The following PMVK variants were observed in gnomAD, a reference collection of about 807,000 sequenced individuals.
The protein encoded by PMVK is phosphomevalonate kinase, also known as testis tissue sperm-binding protein Li 95mP.
Under a neutral mutation model 19.0 loss-of-function variants are expected in PMVK, and 10 were observed. That is an observed-to-expected ratio of 0.53 (90% CI 0.32 to 0.89). The LOEUF (loss-of-function observed/expected upper bound fraction) is 0.89, where lower values mean the gene tolerates loss of function less well. Ranked by LOEUF, PMVK falls within the 40% of genes least tolerant of loss-of-function variation. The probability of loss-of-function intolerance (pLI) is 0.03; values close to 1 mark genes in which losing one functional copy is unlikely to be tolerated. For missense variants in PMVK, 222 were observed against 251.1 expected, an observed-to-expected ratio of 0.88 and a Z score of 0.78; for synonymous variants, 108 against 101.6, an observed-to-expected ratio of 1.06 and a Z score of -0.38.
chr1:154,931,537 G>A (rs1654335043), intron 2 of PMVK, among the ~76,000 whole-genome samples: 1 of 152,106 alleles, frequency 6.6e-6, no homozygotes, highest in Non-Finnish European at 1.5e-5. Flanking sequence ...CTCCCTGGGG[G>A]CAACCAATGG....
chr1:154,931,413 T>C (rs1254539567), intron 2 of PMVK, among the ~76,000 whole-genome samples: 1 of 152,234 alleles, frequency 6.6e-6, no homozygotes, highest in Non-Finnish European at 1.5e-5. Context: ...AGAGTTCCTG[T>C]TGACTTATTT....
rs757694890 is a variant in PMVK at position 154,926,439 on chromosome 1, C to T, written c.357G>A (p.Arg119=). Residue 119 remains arginine, a synonymous_variant, in exon 4 of 5, where the codon CGG becomes CGA. Coordinates refer to ENST00000368467, the MANE Select transcript of PMVK (RefSeq NM_006556.4). ...TRRVSDIQWF[R]EAYGAVTQTV... ...TCTGCGTCACGGCCCCATAGGCCTC[C>T]CGAAACCACTGGATGTCAGACACTC... The T allele has an allele frequency of 3.1e-6, 5 of 1,613,952 alleles. No homozygotes were observed. The East Asian group carries it at 1.1e-4, about 36-fold the overall frequency.
At chr1:154,934,227 G>A (rs1013072178) in intron 1 of PMVK, among the ~76,000 whole-genome samples, 2 of 152,168 alleles carry the variant, frequency 1.3e-5, no homozygotes, top group Admixed American at 1.3e-4. Context: ...TCGAACTCCT[G>A]AGCTCAAGTG....
At chr1:154,931,707 G>A (rs370589476) in intron 2 of PMVK, among the ~76,000 whole-genome samples, 19 of 150,122 alleles carry the variant, frequency 1.3e-4, no homozygotes, top group African/African-American at 2.4e-4. Flanking sequence ...GTCACAAAGT[G>A]CCTCTTCAGT....
At position 154,934,723 on chromosome 1, in the gene PMVK, C is replaced by G. The variant is rs115396078; in HGVS notation, c.95+1868G>C. 2.9e-3 allele frequency among the ~76,000 whole-genome samples: 448 copies of G among 152,174 alleles called. 1 individual carries two copies. Among genetic ancestry groups the G allele is most frequent in the African/African-American group, 0.01 (429 of 41,522 alleles). On this transcript the variant is annotated intron_variant, in intron 1 of 4. Coordinates refer to ENST00000368467, the MANE Select transcript of PMVK (RefSeq NM_006556.4). ...CTTCACACACATTATCTCATTTAAT[C>G]CCCACAACCACCCTATTATCATCCC...
chr1:154,925,405 C>T, intron 4 of PMVK, 140 bp from the exon 5 acceptor site: 1 of 833,720 alleles, frequency 1.2e-6, no homozygotes, highest in Non-Finnish European at 2.0e-6. Context: ...ACCCAGAAGG[C>T]ACCTCCCTAC....
chr1:154,942,036 A>G, the PMVK span, among the ~76,000 whole-genome samples: 1 of 152,218 alleles, frequency 6.6e-6, no homozygotes, highest in Non-Finnish European at 1.5e-5. Flanking sequence ...CAAAGGAAAT[A>G]GAATTTTTCC....
chr1:154,937,098 C>G (rs546333123), upstream of PMVK: 91 of 177,796 alleles, frequency 5.1e-4, 1 homozygote, highest in African/African-American at 2.1e-3. Flanking sequence ...CCCCATGTTC[C>G]CTTCCGCGCA....
At chr1:154,929,330 CAA>C (rs935506307) in intron 2 of PMVK, among the ~76,000 whole-genome samples, 154 bp from the exon 3 acceptor site, 8 of 152,192 alleles carry the variant, frequency 5.3e-5, no homozygotes, top group Non-Finnish European at 8.8e-5. Context: ...TCTGCAAGGG[CAA>C]GAGTCTCAGC....
intron 4 of PMVK, 127 bp from the exon 5 acceptor site, chr1:154,925,392 C>A: frequency 9.9e-7 from 1 of 1,005,586 alleles, no homozygotes; most frequent in South Asian, 1.4e-5. Flanking sequence ...CCAAGGGCTA[C>A]CCACCCAGAA....
intron 3 of PMVK, among the ~76,000 whole-genome samples, chr1:154,927,482 G>GAA (rs1654202910): frequency 7.0e-6 from 1 of 143,876 alleles, no homozygotes; most frequent in South Asian, 2.2e-4. Flanking sequence ...AAAAACACAG[G>GAA]AAAGTCCTCC....
chr1:154,935,973 A>G (rs1035862672), intron 1 of PMVK, among the ~76,000 whole-genome samples: 3 of 151,814 alleles, frequency 2.0e-5, no homozygotes, highest in Admixed American at 6.6e-5. Flanking sequence ...GGTGACAGAC[A>G]TGACCACCAC....
At chr1:154,938,388 G>C (rs751065237), upstream of PMVK, among the ~76,000 whole-genome samples, 2 of 152,192 alleles carry the variant, frequency 1.3e-5, no homozygotes, top group African/African-American at 4.8e-5. Flanking sequence ...GCAGGAGTTC[G>C]AGACCAGCCT....
At position 154,929,046 on chromosome 1, in the gene PMVK, T is replaced by C; in HGVS notation, c.290A>G (p.Glu97Gly). Residue 97 changes from glutamate (E) to glycine (G), a missense_variant, in exon 3 of 5, where the codon GAG becomes GGG. Transcript: ENST00000368467. Reference sequence around the variant, plus strand: ...TACCCAGATGGGCTGGGAGATGCCCTCCACAATCTTCCTGCAAAAGAAGCC... The same window carrying C: ...TACCCAGATGGGCTGGGAGATGCCCCCCACAATCTTCCTGCAAAAGAAGCC... ...DPGFFCRKIV[E>G]GISQPIWLVS... The C allele has an allele frequency of 6.2e-7, 1 of 1,614,142 alleles. No individual in the cohort carries two copies. The highest frequency in any genetic ancestry group is 8.5e-7 in the Non-Finnish European group (1 of 1,180,000).
At chr1:154,936,093 G>GT (rs576828963) in intron 1 of PMVK, among the ~76,000 whole-genome samples, 2 of 151,870 alleles carry the variant, frequency 1.3e-5, no homozygotes, top group Non-Finnish European at 2.9e-5. Flanking sequence ...TTTTTGTTTT[G>GT]TTTTTTTAAG....
At chr1:154,939,306 T>C (rs886229728), upstream of PMVK, among the ~76,000 whole-genome samples, 6 of 152,034 alleles carry the variant, frequency 3.9e-5, no homozygotes, top group African/African-American at 1.4e-4. Context: ...CTCCCCAAAG[T>C]AGCACTTCCC....
At chr1:154,932,794 A>G (rs1177259925) in intron 1 of PMVK, among the ~76,000 whole-genome samples, 1 of 152,162 alleles carries the variant, frequency 6.6e-6, no homozygotes, top group African/African-American at 2.4e-5. Context: ...TGGTCACCAT[A>G]ACATATATCA....
At chr1:154,931,746 C>T (rs2101970376) in intron 2 of PMVK, among the ~76,000 whole-genome samples, 1 of 148,212 alleles carries the variant, frequency 6.7e-6, no homozygotes, top group Non-Finnish European at 1.5e-5. Flanking sequence ...TCTCTACACA[C>T]TGTTCTATAT....
upstream of PMVK, among the ~76,000 whole-genome samples, chr1:154,940,940 G>T (rs774241898): frequency 4.6e-5 from 7 of 152,190 alleles, no homozygotes; most frequent in African/African-American, 9.7e-5. Context: ...GTGCCCTTTA[G>T]CTTGCAAAGC....
Sources: allele counts gnomAD v4.1 joint callset (sites outside exome capture counted in the v4.1 genomes callset), GRCh38; gene constraint gnomAD v4.1.1; transcripts MANE v1.5; gene names NCBI Gene and HGNC (gene_info 2026-07-23, HGNC 2026-07-21).